Variants in GRM7 observed in about 807,000 individuals in gnomAD.
GRM7 encodes the protein metabotropic glutamate receptor 7.
GRM7 carries 35 observed loss-of-function variants against 84.5 expected under a neutral mutation model. That is an observed-to-expected ratio of 0.41 (90% CI 0.32 to 0.55). GRM7 has a LOEUF of 0.55. Among genes scored for constraint, GRM7 ranks in the 20% least tolerant of loss-of-function variants. The pLI, the probability that GRM7 is intolerant of heterozygous loss-of-function variation, is 0.19. For missense variants in GRM7, 1,003 were observed against 1,194.6 expected (o/e 0.84, Z 2.36); for synonymous variants, 487 against 455.1 (o/e 1.07, Z -0.89).
At chr3:7,021,480 C>A (rs952454370) in intron 1 of GRM7, among the ~76,000 whole-genome samples, 2 of 152,142 alleles carry the variant, frequency 1.3e-5, no homozygotes, top group Non-Finnish European at 2.9e-5. Context: ...GTGGTAATTG[C>A]TAGAAGACTG....
intron 2 of GRM7, among the ~76,000 whole-genome samples, chr3:7,158,428 C>T (rs1291983359): frequency 1.3e-5 from 2 of 152,142 alleles, no homozygotes; most frequent in Non-Finnish European, 2.9e-5. Context: ...AACATCCCCT[C>T]TGAAGCTCAG....
chr3:6,985,165 A>T (rs905722959), intron 1 of GRM7, among the ~76,000 whole-genome samples: 1 of 152,186 alleles, frequency 6.6e-6, no homozygotes. Flanking sequence ...TGAAATAAAC[A>T]TATCACAGAG....
At chr3:7,040,469 A>AT (rs779816759) in intron 1 of GRM7, among the ~76,000 whole-genome samples, 6 of 151,650 alleles carry the variant, frequency 4.0e-5, no homozygotes, top group Middle Eastern at 3.2e-3. Context: ...TGCCCAGCTA[A>AT]TTTTTTTGTA....
chr3:7,418,727 A>G (rs1198979617), intron 5 of GRM7, among the ~76,000 whole-genome samples: 2 of 152,162 alleles, frequency 1.3e-5, no homozygotes, highest in African/African-American at 4.8e-5. Context: ...CATTACACAA[A>G]TGAAGTGACA....
chr3:7,226,726 C>T (rs1407496003), intron 2 of GRM7, among the ~76,000 whole-genome samples: 1 of 152,098 alleles, frequency 6.6e-6, no homozygotes, highest in Admixed American at 6.6e-5. Flanking sequence ...AACTTCCTTC[C>T]CTATTCTTTC....
intron 7 of GRM7, among the ~76,000 whole-genome samples, chr3:7,559,694 A>G (rs1311757397): frequency 6.6e-6 from 1 of 152,104 alleles, no homozygotes; most frequent in Non-Finnish European, 1.5e-5. Flanking sequence ...GTCAAATCTG[A>G]TTTATACAAA....
rs151083130 is a variant in GRM7 at position 7,109,665 on chromosome 3, G to A, written c.520-36787G>A. On this transcript the variant is annotated intron_variant, in intron 1 of 9. Coordinates refer to ENST00000357716, the MANE Select transcript of GRM7 (RefSeq NM_000844.4). Reference sequence around the variant, plus strand: ...AGCTGGACTCCTTTTCATTTCGTCCGCTATAGTGAGTTCTATGTACTAAAA... The same window carrying A: ...AGCTGGACTCCTTTTCATTTCGTCCACTATAGTGAGTTCTATGTACTAAAA... Among the ~76,000 whole-genome samples the A allele has an allele frequency of 3.9e-5, 6 of 152,108 alleles. No individual in the cohort carries two copies. In the South Asian group the frequency reaches 6.2e-4, roughly 16 times the overall value.
rs145424996 is a variant in GRM7 at position 7,273,534 on chromosome 3, C to A, written c.737-25150C>A. On this transcript the variant is annotated intron_variant, in intron 2 of 9. Coordinates refer to ENST00000357716, the MANE Select transcript of GRM7 (RefSeq NM_000844.4). The stretch of plus-strand genomic sequence containing the variant: ...TTTTTGCCTCACATAGATTGATACT[C>A]TGTTATTAGGTACATACACATTATG... 1.9e-3 allele frequency among the ~76,000 whole-genome samples: 285 copies of A among 152,166 alleles called. 5 individuals are homozygous for A. The East Asian group carries it at 0.042, about 23-fold the overall frequency.
At chr3:6,950,294 G>T (rs1692688000) in intron 1 of GRM7, among the ~76,000 whole-genome samples, 1 of 152,188 alleles carries the variant, frequency 6.6e-6, no homozygotes, top group Non-Finnish European at 1.5e-5. Flanking sequence ...CTCAGCTGCA[G>T]GTCTGTTGGA....
rs1700590229 is a variant in GRM7, at chr3:7,686,480, T to C, written c.2698+6185T>C. The C allele has an allele frequency of 4.3e-6, 4 of 922,562 alleles. 1 individual carries two copies. Among genetic ancestry groups the C allele is most frequent in the African/African-American group, 3.2e-5 (2 of 61,570 alleles). 57.1% of individuals were successfully genotyped at this position (922,562 alleles called of 1,614,324 possible). A position where few individuals can be genotyped will look rare whatever the true frequency, so the allele number is the denominator to read the frequency against. ...AAACAATCTAATTCTTATTTATTTA[T>C]GTGTTCTTGTCTCCAATGAGAATTA... On this transcript the variant is annotated intron_variant, in intron 9 of 9. Coordinates refer to ENST00000357716, the MANE Select transcript of GRM7 (RefSeq NM_000844.4).
intron 2 of GRM7, among the ~76,000 whole-genome samples, chr3:7,229,459 C>T (rs115113884): frequency 1.3e-5 from 2 of 151,678 alleles, no homozygotes; most frequent in African/African-American, 4.8e-5. Flanking sequence ...AAGGGGACCT[C>T]AAACCCAAGA....
chr3:7,430,385 A>G (rs995648107), intron 5 of GRM7, among the ~76,000 whole-genome samples: 1 of 152,224 alleles, frequency 6.6e-6, no homozygotes, highest in African/African-American at 2.4e-5. Context: ...AAAAATGTTC[A>G]TTGTTGTAAT....
At chr3:7,301,866 A>C (rs993228689) in intron 3 of GRM7, among the ~76,000 whole-genome samples, 3 of 152,128 alleles carry the variant, frequency 2.0e-5, no homozygotes, top group African/African-American at 7.2e-5. Flanking sequence ...GTAGATGGGA[A>C]AATTTGAGGT....
chr3:6,981,708 T>C (rs1032775008), intron 1 of GRM7, among the ~76,000 whole-genome samples: 24 of 152,078 alleles, frequency 1.6e-4, no homozygotes, highest in African/African-American at 5.6e-4. Context: ...TCAACATTAT[T>C]AATGATCAGA....
At chr3:6,954,825 A>G (rs1038707434) in intron 1 of GRM7, among the ~76,000 whole-genome samples, 1 of 152,236 alleles carries the variant, frequency 6.6e-6, no homozygotes, top group Non-Finnish European at 1.5e-5. Context: ...AATAAATGTT[A>G]TTATAATTAA....
At chr3:7,234,362 C>G (rs1312390103) in intron 2 of GRM7, among the ~76,000 whole-genome samples, 1 of 152,078 alleles carries the variant, frequency 6.6e-6, no homozygotes, top group African/African-American at 2.4e-5. Flanking sequence ...GTTTGGATTT[C>G]CATTTATTTC....
intron 4 of GRM7, among the ~76,000 whole-genome samples, chr3:7,364,005 G>T (rs1442572884): frequency 6.6e-6 from 1 of 151,806 alleles, no homozygotes; most frequent in African/African-American, 2.4e-5. Context: ...TTAAGAGTTG[G>T]GTGCTATGTA....
At chr3:7,498,131 T>A (rs1699766209) in intron 7 of GRM7, among the ~76,000 whole-genome samples, 1 of 152,234 alleles carries the variant, frequency 6.6e-6, no homozygotes, top group African/African-American at 2.4e-5. Context: ...TTCTATAGCT[T>A]GCTCAGAGAA....
chr3:7,196,713 AC>A (rs1235800540), intron 2 of GRM7, among the ~76,000 whole-genome samples: 1 of 151,910 alleles, frequency 6.6e-6, no homozygotes, highest in Non-Finnish European at 1.5e-5. Flanking sequence ...TGCATCAAAT[AC>A]CCTTATTTCT....
Sources: gnomAD v4.1 joint callset for allele counts (sites outside exome capture counted in the v4.1 genomes callset) on GRCh38, gnomAD v4.1.1 for gene constraint, MANE v1.5 for transcripts, NCBI Gene and HGNC (gene_info 2026-07-23, HGNC 2026-07-21) for gene names.